GRK3: variants seen among roughly 807,000 people sequenced by gnomAD.
GRK3 encodes G protein-coupled receptor kinase 3.
A neutral mutation model predicts 95.7 loss-of-function variants in GRK3; 54 were observed. The observed-to-expected ratio is 0.56, with a 90% CI of 0.45 to 0.71. The LOEUF (loss-of-function observed/expected upper bound fraction) is 0.71, where lower values mean the gene tolerates loss of function less well. Ranked by LOEUF, GRK3 falls within the 30% of genes least tolerant of loss-of-function variation. GRK3 has a pLI of 0.00. For missense variants in GRK3, 649 were observed against 851.2 expected (o/e 0.76, Z 2.96); for synonymous variants, 281 against 290.8 (o/e 0.97, Z 0.34).
chr22:25,569,273 A>C (rs189042972), intron 1 of GRK3, among the ~76,000 whole-genome samples: 7 of 152,330 alleles, frequency 4.6e-5, no homozygotes, highest in African/African-American at 1.7e-4. Context: ...ACAAATTCAA[A>C]ATGTAATTTG....
At chr22:25,594,484 C>T (rs543976290) in intron 1 of GRK3, among the ~76,000 whole-genome samples, 1 of 152,292 alleles carries the variant, frequency 6.6e-6, no homozygotes, top group African/African-American at 2.4e-5. Context: ...TCCAGCAGCA[C>T]ATCAAAGAGG....
chr22:25,565,035 G>A lies in GRK3; in HGVS notation c.-6G>A, dbSNP rs559915130. 21 of 1,416,848 alleles carry A rather than the reference G, an allele frequency of 1.5e-5. No homozygotes were observed. Among genetic ancestry groups the A allele is most frequent in the Admixed American group, 2.4e-5 (1 of 41,442 alleles). 87.8% of individuals were successfully genotyped at this position (1,416,848 alleles called of 1,614,324 possible). A position where few individuals can be genotyped will look rare whatever the true frequency, so the allele number is the denominator to read the frequency against. On this transcript the variant is annotated 5_prime_UTR_variant, in exon 1 of 21. Transcript: ENST00000324198. The stretch of plus-strand genomic sequence containing the variant: ...ACCGCCGCCGCCGCCGCCAAAGCTC[G>A]CCAACATGGCGGACCTGGAGGCTGT...
intron 2 of GRK3, among the ~76,000 whole-genome samples, chr22:25,609,447 T>C (rs2084478754): frequency 6.6e-6 from 1 of 152,044 alleles, no homozygotes; most frequent in Admixed American, 6.6e-5. Flanking sequence ...TGCTCTTGCC[T>C]CAGCCTCCCA....
At chr22:25,592,457 G>T (rs1932525725) in intron 1 of GRK3, among the ~76,000 whole-genome samples, 1 of 151,994 alleles carries the variant, frequency 6.6e-6, no homozygotes, top group Non-Finnish European at 1.5e-5. Context: ...TGTCTTTTCA[G>T]GAGCAGCAGT....
intron 1 of GRK3, among the ~76,000 whole-genome samples, chr22:25,578,026 T>C (rs1419268372): frequency 6.6e-6 from 1 of 152,240 alleles, no homozygotes; most frequent in African/African-American, 2.4e-5. Context: ...ATGTCATTTT[T>C]GGTTAGAACC....
At chr22:25,578,651 G>A (rs780094234) in intron 1 of GRK3, among the ~76,000 whole-genome samples, 59 of 152,276 alleles carry the variant, frequency 3.9e-4, no homozygotes, top group Non-Finnish European at 7.9e-4. Context: ...ATGAGAATGA[G>A]TCAACCAACC....
At chr22:25,703,905 C>T (rs376472171) in intron 14 of GRK3, among the ~76,000 whole-genome samples, 14 of 152,248 alleles carry the variant, frequency 9.2e-5, no homozygotes, top group East Asian at 3.9e-4. Flanking sequence ...GAATGCCTTC[C>T]GGTTCTTCTG....
chr22:25,617,239 G>A (rs2084546552), intron 2 of GRK3, among the ~76,000 whole-genome samples: 1 of 152,166 alleles, frequency 6.6e-6, no homozygotes, highest in Non-Finnish European at 1.5e-5. Flanking sequence ...TCATTTCCTT[G>A]TCTTAAAATT....
chr22:25,657,518 A>G (rs552757518), intron 3 of GRK3, among the ~76,000 whole-genome samples: 3 of 152,282 alleles, frequency 2.0e-5, no homozygotes, highest in Non-Finnish European at 2.9e-5. Flanking sequence ...TTCATGAGGT[A>G]TCTTTTCCCA....
At chr22:25,653,919 C>T (rs2084852141) in intron 3 of GRK3, among the ~76,000 whole-genome samples, 1 of 152,124 alleles carries the variant, frequency 6.6e-6, no homozygotes, top group Non-Finnish European at 1.5e-5. Context: ...GAACTCCTGA[C>T]CTCGTAATCG....
At chr22:25,690,056 G>C (rs1569197094) in intron 11 of GRK3, 133 bp from the exon 12 acceptor site, 7 of 638,390 alleles carry the variant, frequency 1.1e-5, no homozygotes, top group Non-Finnish European at 1.6e-5. Context: ...GATGTGATGG[G>C]CTAAAGCTAT....
At chr22:25,624,841 A>G (rs542648084) in intron 2 of GRK3, among the ~76,000 whole-genome samples, 6 of 152,222 alleles carry the variant, frequency 3.9e-5, no homozygotes, top group African/African-American at 1.4e-4. Flanking sequence ...TTCCGCACAC[A>G]ATGATTTTAA....
At chr22:25,600,461 G>A (rs568360661) in intron 1 of GRK3, among the ~76,000 whole-genome samples, 2 of 152,084 alleles carry the variant, frequency 1.3e-5, no homozygotes, top group African/African-American at 2.4e-5. Flanking sequence ...TTGCATCTGG[G>A]TATTCAACCA....
chr22:25,622,019 G>C lies in GRK3; in HGVS notation c.190+17566G>C, dbSNP rs141959565. Among the ~76,000 whole-genome samples the C allele has an allele frequency of 1.8e-4, 27 of 152,266 alleles. No individual in the cohort carries two copies. The East Asian group carries it at 4.6e-3, about 26-fold the overall frequency. Reference sequence around the variant, plus strand: ...TAACCAGTTTTTCCAACTGTGTCCTGTTGGCATCCTTTGCCTTTTTTTTCT... The same window carrying C: ...TAACCAGTTTTTCCAACTGTGTCCTCTTGGCATCCTTTGCCTTTTTTTTCT... On this transcript the variant is annotated intron_variant, in intron 2 of 20. Transcript: ENST00000324198.
At chr22:25,569,969 A>G (rs754170891) in intron 1 of GRK3, among the ~76,000 whole-genome samples, 11 of 152,212 alleles carry the variant, frequency 7.2e-5, no homozygotes, top group Admixed American at 1.3e-4. Context: ...GGTTTCGCCC[A>G]GCTCGGGGTC....
intron 1 of GRK3, among the ~76,000 whole-genome samples, chr22:25,582,663 A>G (rs1932142493): frequency 6.6e-6 from 1 of 152,258 alleles, no homozygotes; most frequent in Admixed American, 6.5e-5. Context: ...ATATTCATGT[A>G]TAGATGTGTA....
chr22:25,600,843 C>T (rs1188453761), intron 1 of GRK3, among the ~76,000 whole-genome samples: 3 of 152,124 alleles, frequency 2.0e-5, no homozygotes, highest in East Asian at 3.8e-4. Context: ...TGTATAAGCA[C>T]TAACCAAAAG....
chr22:25,589,944 A>C (rs1384825544), intron 1 of GRK3, among the ~76,000 whole-genome samples: 1 of 152,182 alleles, frequency 6.6e-6, no homozygotes, highest in Non-Finnish European at 1.5e-5. Context: ...AGACTAATTC[A>C]CTATCATGAA....
chr22:25,713,255 TCACACACACACTCA>T (rs2085358385), intron 17 of GRK3, among the ~76,000 whole-genome samples: 1 of 151,988 alleles, frequency 6.6e-6, no homozygotes, highest in East Asian at 1.9e-4. Flanking sequence ...ACCCCATCAC[TCACACACACACTCA>T]CACACGCACC....
Sources: gnomAD v4.1 joint callset for allele counts (sites outside exome capture counted in the v4.1 genomes callset) on GRCh38, gnomAD v4.1.1 for gene constraint, MANE v1.5 for transcripts, NCBI Gene and HGNC (gene_info 2026-07-23, HGNC 2026-07-21) for gene names.